NKIRAS1: variants seen among roughly 807,000 people sequenced by gnomAD.
NKIRAS1 encodes the protein NF-kappa-B inhibitor-interacting Ras-like protein 1.
A neutral mutation model predicts 19.8 loss-of-function variants in NKIRAS1; 16 were observed. The ratio of observed to expected loss-of-function variants is 0.81; its 90% CI spans 0.55 to 1.23. The LOEUF is 1.23. Among genes scored for constraint, NKIRAS1 ranks in the 50% most tolerant of loss-of-function variants. NKIRAS1 has a pLI of 0.00. For synonymous variants in NKIRAS1, 88 were observed against 79.0 expected (o/e 1.11, Z -0.61); for missense variants, 184 against 220.0 (o/e 0.84, Z 1.04).
chr3:23,897,071 G>C (rs564240668), intron 4 of NKIRAS1, among the ~76,000 whole-genome samples: 1 of 152,136 alleles, frequency 6.6e-6, no homozygotes, highest in South Asian at 2.1e-4. Context: ...AATTAGGCAA[G>C]CATGGTGATG....
At chr3:23,929,577 C>A (rs1420911386) in intron 1 of NKIRAS1, among the ~76,000 whole-genome samples, 1 of 151,608 alleles carries the variant, frequency 6.6e-6, no homozygotes, top group African/African-American at 2.4e-5. Context: ...GAGTTATGTG[C>A]CACCAGACCA....
upstream of NKIRAS1, chr3:23,919,641 TA>T (rs906165994): frequency 1.4e-6 from 2 of 1,421,260 alleles, no homozygotes; most frequent in African/African-American, 2.9e-5. Context: ...TAAAGTGCAA[TA>T]ATGTTTGAAG....
chr3:23,938,257 T>C (rs1705432804), intron 1 of NKIRAS1, among the ~76,000 whole-genome samples: 2 of 149,510 alleles, frequency 1.3e-5, no homozygotes, highest in South Asian at 2.1e-4. Context: ...TTGCCCAGGC[T>C]GGAGTGCAGT....
intron 4 of NKIRAS1, among the ~76,000 whole-genome samples, chr3:23,899,622 A>C (rs935703982): frequency 2.2e-4 from 33 of 152,346 alleles, no homozygotes; most frequent in African/African-American, 6.5e-4. Flanking sequence ...CTTAATAGGA[A>C]AACAAAACTA....
In NKIRAS1 at chr3:23,927,992, T is replaced by C. The variant is rs902794539; in HGVS notation, c.-139-16542A>G. Among the ~76,000 whole-genome samples, 21 of 151,940 alleles carry C rather than the reference T, an allele frequency of 1.4e-4. No individual in the cohort carries two copies. Among genetic ancestry groups the C allele is most frequent in the African/African-American group, 4.6e-4 (19 of 41,348 alleles). ...TATGCAGGAGGCTGAGGTGGAAGAA[T>C]TGCTTGAGCCTGGGAAGTCGAAGCT... On this transcript the variant is annotated intron_variant, in intron 1 of 4. Transcript: ENST00000421515. This position sits in a 1 kb window ranked among gnomAD's most constrained non-coding sequence, Gnocchi z 4.0.
In NKIRAS1 at chr3:23,926,867, A is replaced by G. The variant is rs953727907; in HGVS notation, c.-139-15417T>C. ...AGTTTTATAAATATTCATCATTCAG[A>G]GAAGAAACAATTCTTTGGATTTGTC... On this transcript the variant is annotated intron_variant, in intron 1 of 4. Coordinates refer to the NKIRAS1 transcript ENST00000421515. The surrounding 1 kb of genome is among the most constrained non-coding windows in gnomAD (Gnocchi z 4.3). Among the ~76,000 whole-genome samples the G allele has an allele frequency of 8.5e-5, 13 of 152,358 alleles. No individual in the cohort carries two copies. The highest frequency in any genetic ancestry group is 3.1e-4 in the African/African-American group (13 of 41,594).
intron 1 of NKIRAS1, among the ~76,000 whole-genome samples, chr3:23,942,763 C>T (rs1036751977): frequency 8.0e-5 from 12 of 150,342 alleles, no homozygotes; most frequent in South Asian, 2.1e-4. Flanking sequence ...TTTTTTTTTT[C>T]GAGACGGGAT....
chr3:23,936,432 C>T (rs1200227172), intron 1 of NKIRAS1, among the ~76,000 whole-genome samples: 1 of 152,182 alleles, frequency 6.6e-6, no homozygotes, highest in Admixed American at 6.5e-5. Flanking sequence ...GATGCTCTCC[C>T]AAACTTGAGA....
chr3:23,909,864 G>GTTTT (rs201671440), intron 3 of NKIRAS1, among the ~76,000 whole-genome samples: 2 of 135,556 alleles, frequency 1.5e-5, no homozygotes, highest in South Asian at 2.3e-4. Context: ...GTTTTTTTTT[G>GTTTT]TTTTTTTTTT....
Position 23,927,548 on chromosome 3 carries a change from T to G in NKIRAS1, c.-139-16098A>C. Among the ~76,000 whole-genome samples the G allele has an allele frequency of 1.3e-5, 2 of 152,358 alleles. No homozygotes were observed. The highest frequency in any genetic ancestry group is 6.8e-3 in the Middle Eastern group (2 of 294). On this transcript the variant is annotated intron_variant, in intron 1 of 4. Transcript: ENST00000421515. The surrounding 1 kb of genome is among the most constrained non-coding windows in gnomAD (Gnocchi z 4.0). The stretch of plus-strand genomic sequence containing the variant: ...AAACTGATGAAAGCATTTGATTTAA[T>G]TGGCATGCTGTGAACATCTGAACTC...
chr3:23,944,827 G>T (rs1239714700), intron 1 of NKIRAS1, among the ~76,000 whole-genome samples: 3 of 151,394 alleles, frequency 2.0e-5, no homozygotes, highest in African/African-American at 7.3e-5. Flanking sequence ...AGGTCGGTCG[G>T]GTGGGAGCGG....
chr3:23,913,660 A>G (rs753930546), intron 1 of NKIRAS1, among the ~76,000 whole-genome samples: 1 of 152,256 alleles, frequency 6.6e-6, no homozygotes, highest in Non-Finnish European at 1.5e-5. Flanking sequence ...AATAAAAACT[A>G]CTAAAAGTTT....
chr3:23,897,420 G>A (rs951882261), intron 4 of NKIRAS1, among the ~76,000 whole-genome samples: 5 of 152,118 alleles, frequency 3.3e-5, no homozygotes, highest in South Asian at 4.2e-4. Context: ...TTTGAACCAT[G>A]TGCAAACATT....
At chr3:23,931,478 T>A (rs1705314517) in intron 1 of NKIRAS1, among the ~76,000 whole-genome samples, 1 of 152,196 alleles carries the variant, frequency 6.6e-6, no homozygotes, top group African/African-American at 2.4e-5. Context: ...ATTCTTTACT[T>A]AAATTTAAAC....
chr3:23,893,850 T>TAA (rs11381471), intron 4 of NKIRAS1, among the ~76,000 whole-genome samples: 1,439 of 134,694 alleles, frequency 0.011, 28 homozygotes, highest in African/African-American at 0.036. Flanking sequence ...TTGCTAACTG[T>TAA]AAAAAAAAAA....
At chr3:23,920,662 T>C, upstream of NKIRAS1, 1 of 985,270 alleles carries the variant, frequency 1.0e-6, no homozygotes, top group Non-Finnish European at 1.2e-6. Flanking sequence ...ACCAATTTTC[T>C]CCTATCTTCT....
intron 4 of NKIRAS1, among the ~76,000 whole-genome samples, chr3:23,895,127 C>T (rs1156481135): frequency 6.6e-6 from 1 of 152,122 alleles, no homozygotes; most frequent in African/African-American, 2.4e-5. Flanking sequence ...TGGTTGCAGC[C>T]TTGATCTTCT....
chr3:23,898,506 G>T (rs1168196739), intron 4 of NKIRAS1, among the ~76,000 whole-genome samples: 5 of 150,788 alleles, frequency 3.3e-5, no homozygotes, highest in African/African-American at 1.2e-4. Context: ...GCAATGGCAT[G>T]ATCTCAGCTC....
intron 3 of NKIRAS1, among the ~76,000 whole-genome samples, chr3:23,902,169 T>A (rs1033546208): frequency 1.3e-5 from 2 of 152,222 alleles, no homozygotes; most frequent in Non-Finnish European, 2.9e-5. Flanking sequence ...CCAATCATAC[T>A]ATGTTATAGT....
Sources: gnomAD v4.1 joint callset for allele counts (sites outside exome capture counted in the v4.1 genomes callset) on GRCh38, gnomAD v4.1.1 for gene constraint, Gnocchi (gnomAD v3.1) non-coding constraint, MANE v1.5 for transcripts, NCBI Gene and HGNC (gene_info 2026-07-23, HGNC 2026-07-21) for gene names.